CEP290: variants seen among roughly 807,000 people sequenced by gnomAD.
CEP290 encodes the protein centrosomal protein of 290 kDa.
In CEP290, 317 loss-of-function variants were observed where a neutral mutation model predicts 344.9. That is an observed-to-expected ratio of 0.92 (90% CI 0.84 to 1.01). CEP290 has a LOEUF of 1.01. Ranked by LOEUF, CEP290 falls within the 50% of genes least tolerant of loss-of-function variation. The pLI is 0.00. For synonymous variants in CEP290, 932 were observed against 895.8 expected (o/e 1.04, Z -0.72); for missense variants, 2,754 against 2,761.4 (o/e 1.00, Z 0.06).
chr12:88,059,876 T>C (rs999860641), intron 48 of CEP290, 22 bp downstream of exon 48: 3 of 1,551,614 alleles, frequency 1.9e-6, no homozygotes, highest in African/African-American at 1.4e-5. Flanking sequence ...TCAAAAGTTA[T>C]AATCAGTCAT....
rs1772781673 is a variant in CEP290, at chr12:88,055,619, C to T, written c.6917G>A (p.Arg2306Lys). The change falls in exon 50 of 54, where the codon AGA (arginine) becomes AAA (lysine). Residue 2306 changes from arginine to lysine, a missense_variant. Transcript: ENST00000552810. ...ATTGTATTTGTTAACTTTTTGTTCT[C>T]TCTCTGTTGCTTCTTTTACAAGCTG... is the stretch of plus-strand genomic sequence containing the variant. ...LKQLVKEATE[R>K]EQKVNKYNED... 6.3e-7 allele frequency: 1 copy of T among 1,577,156 alleles called. No homozygotes were observed. The highest frequency in any genetic ancestry group is 8.6e-7 in the Non-Finnish European group (1 of 1,161,350).
At chr12:88,083,258 G>T in intron 36 of CEP290, 28 bp from the exon 37 acceptor site, 2 of 1,281,268 alleles carry the variant, frequency 1.6e-6, no homozygotes, top group Non-Finnish European at 2.1e-6. Flanking sequence ...ATTAGCAATA[G>T]GCATGTATAA....
chr12:88,094,872 A>C (rs1176492277), intron 27 of CEP290, among the ~76,000 whole-genome samples: 2 of 152,170 alleles, frequency 1.3e-5, no homozygotes, highest in African/African-American at 4.8e-5. Flanking sequence ...TTCCAGCTTC[A>C]TAAGTTCAAG....
intron 53 of CEP290, chr12:88,049,653 T>G (rs1382255407): frequency 2.9e-6 from 1 of 340,332 alleles, no homozygotes; most frequent in Non-Finnish European, 5.3e-6. Flanking sequence ...TGACTAAAAT[T>G]TATCATCTCT....
In CEP290 at chr12:88,077,302, G is replaced by A. The variant is rs1483492602; in HGVS notation, c.5629C>T (p.Leu1877Phe). 1 of 1,592,926 alleles carries A rather than the reference G, an allele frequency of 6.3e-7. No individual in the cohort carries two copies. Among genetic ancestry groups the A allele is most frequent in the Non-Finnish European group, 8.6e-7 (1 of 1,168,546 alleles). Residue 1877 changes from leucine (L) to phenylalanine (F), a missense_variant, in exon 41 of 54, where the codon CTC becomes TTC. By Grantham distance (22) the Leu-to-Phe change is conservative (BLOSUM62 0). Coordinates refer to ENST00000552810, the MANE Select transcript of CEP290 (RefSeq NM_025114.4). ...TCTAGTTTTTTAACTTTCCTTTGGAGTTCTTCAATTAGACTTTGTTTATTA... is the reference window on the plus strand; with the variant it reads ...TCTAGTTTTTTAACTTTCCTTTGGAATTCTTCAATTAGACTTTGTTTATTA... ...TDNKQSLIEE[L>F]QRKVKKLENQ...
chr12:88,089,251 TAG>T lies in CEP290; in HGVS notation c.3808_3809del (p.Leu1270ThrfsTer5), dbSNP rs1565846034. 6.2e-7 allele frequency: 1 copy of T among 1,613,974 alleles called. No homozygotes were observed. Among genetic ancestry groups the T allele is most frequent in the South Asian group, 1.1e-5 (1 of 91,080 alleles). On this transcript the variant is annotated frameshift_variant, in exon 31 of 54. Transcript: ENST00000552810. LOFTEE classifies it high-confidence loss of function. ...GTAAAGCTCCACTAAACTGTCGTCG[TAG>T]AGACTGAATTGTTTGGCGCAGATGT... ...AKHLRQTIQS[L>X]RRQFSGALPL...
chr12:88,069,913 A>G (rs2035237599), intron 43 of CEP290, among the ~76,000 whole-genome samples: 1 of 152,260 alleles, frequency 6.6e-6, no homozygotes, highest in African/African-American at 2.4e-5. Flanking sequence ...AAGAAGAAAT[A>G]GCAAATCACG....
At chr12:88,073,765 C>T (rs900888315) in intron 41 of CEP290, among the ~76,000 whole-genome samples, 3 of 151,758 alleles carry the variant, frequency 2.0e-5, no homozygotes, top group African/African-American at 7.3e-5. Flanking sequence ...GACGTCATCT[C>T]AAAAAATTAA....
Position 88,089,364 on chromosome 12 carries a change from C to T in CEP290, c.3697G>A (p.Ala1233Thr). Residue 1233 changes from alanine to threonine, a missense_variant, in exon 31 of 54, where the codon GCC (alanine) becomes ACC (threonine). Coordinates refer to ENST00000552810, the MANE Select transcript of CEP290 (RefSeq NM_025114.4). ...SITSKLQKME[A>T]YNLRLEQKLD... is the part of the protein sequence containing the mutation. The stretch of plus-strand genomic sequence containing the variant: ...TTCTGCTCTAAGCGCAAGTTGTAGG[C>T]CTCCATCTTCTGCAGTTTAGATGTA... 6.2e-7 allele frequency: 1 copy of T among 1,613,912 alleles called. No homozygotes were observed. The highest frequency in any genetic ancestry group is 8.5e-7 in the Non-Finnish European group (1 of 1,179,878).
chr12:88,122,368 C>A (rs1175379900), intron 13 of CEP290, among the ~76,000 whole-genome samples: 2 of 152,086 alleles, frequency 1.3e-5, no homozygotes, highest in African/African-American at 4.8e-5. Flanking sequence ...GCATTCCATC[C>A]ATTTTGGATG....
chr12:88,093,719 A>G (rs765237838), intron 28 of CEP290, 51 bp downstream of exon 28: 1 of 1,395,796 alleles, frequency 7.2e-7, no homozygotes, highest in Non-Finnish European at 9.9e-7. Context: ...AATGTCTACC[A>G]AAACTAATTC....
intron 15 of CEP290, 70 bp from the exon 16 acceptor site, chr12:88,118,813 T>C: frequency 9.9e-7 from 1 of 1,014,148 alleles, no homozygotes; most frequent in South Asian, 1.7e-5. Context: ...TCATATACCA[T>C]CAAGCAACTG....
intron 25 of CEP290, chr12:88,103,890 T>C (rs1293303077): frequency 6.6e-6 from 1 of 152,114 alleles, no homozygotes; most frequent in African/African-American, 2.4e-5. Context: ...TCAGTTTCAC[T>C]GTTCTGGGGG....
At chr12:88,080,542 G>A in intron 37 of CEP290, 147 bp from the exon 38 acceptor site, 1 of 600,166 alleles carries the variant, frequency 1.7e-6, no homozygotes, top group Non-Finnish European at 2.8e-6. Flanking sequence ...TGATTTTTTT[G>A]CCTCAACTTC....
chr12:88,084,198 T>G (rs1330544794), intron 35 of CEP290, among the ~76,000 whole-genome samples: 1 of 152,142 alleles, frequency 6.6e-6, no homozygotes, highest in Non-Finnish European at 1.5e-5. Context: ...TCTATCATCT[T>G]TTAACTTACT....
chr12:88,061,590 T>G (rs112857801), intron 46 of CEP290, among the ~76,000 whole-genome samples: 187 of 152,238 alleles, frequency 1.2e-3, no homozygotes, highest in Non-Finnish European at 2.3e-3. Flanking sequence ...AGCCAAACAG[T>G]ATGCTTAATT....
intron 41 of CEP290, among the ~76,000 whole-genome samples, chr12:88,072,411 T>C (rs2035449204): frequency 6.6e-6 from 1 of 152,182 alleles, no homozygotes; most frequent in African/African-American, 2.4e-5. Flanking sequence ...TTGGATTAGA[T>C]GTTCAACCTG....
intron 18 of CEP290, among the ~76,000 whole-genome samples, chr12:88,116,778 T>A (rs2039065492): frequency 6.6e-6 from 1 of 151,756 alleles, no homozygotes; most frequent in African/African-American, 2.4e-5. Flanking sequence ...ATCGAGACCA[T>A]CCCGGCTAAA....
intron 11 of CEP290, among the ~76,000 whole-genome samples, chr12:88,127,765 A>G (rs1252278527): frequency 2.6e-5 from 4 of 152,216 alleles, no homozygotes; most frequent in Non-Finnish European, 5.9e-5. Context: ...AATAACATAT[A>G]TAAGGATATT....
Sources: allele counts gnomAD v4.1 joint callset (sites outside exome capture counted in the v4.1 genomes callset), GRCh38; gene constraint gnomAD v4.1.1; transcripts MANE v1.5; gene names NCBI Gene and HGNC (gene_info 2026-07-23, HGNC 2026-07-21).